Variants in NYAP2 observed in about 807,000 individuals in gnomAD.
The protein encoded by NYAP2 is neuronal tyrosine-phosphorylated phosphoinositide-3-kinase adaptor 2.
Under a neutral mutation model 50.4 loss-of-function variants are expected in NYAP2, and 23 were observed. The observed-to-expected ratio is 0.46, with a 90% CI of 0.33 to 0.65. The LOEUF (loss-of-function observed/expected upper bound fraction) is 0.65, where lower values mean the gene tolerates loss of function less well. NYAP2 is among the 30% of genes least tolerant of loss of function. NYAP2 has a pLI of 0.02. For missense variants in NYAP2, 885 were observed against 861.0 expected (o/e 1.03, Z -0.35); for synonymous variants, 394 against 365.2 (o/e 1.08, Z -0.90).
chr2:225,617,089 A>G (rs1362843301), intron 5 of NYAP2, among the ~76,000 whole-genome samples: 3 of 152,188 alleles, frequency 2.0e-5, no homozygotes, highest in Non-Finnish European at 2.9e-5. Context: ...TTCAGGCACA[A>G]TCAGAGCCCA....
At chr2:225,634,199 G>A (rs765040437) in intron 6 of NYAP2, among the ~76,000 whole-genome samples, 3 of 152,178 alleles carry the variant, frequency 2.0e-5, no homozygotes, top group Non-Finnish European at 4.4e-5. Context: ...ATCCTTCATA[G>A]CACCCTTGCA....
chr2:225,421,671 G>C (rs950381124), intron 3 of NYAP2, among the ~76,000 whole-genome samples: 1 of 152,150 alleles, frequency 6.6e-6, no homozygotes, highest in Non-Finnish European at 1.5e-5. Flanking sequence ...TGGTGTTCTA[G>C]AAAAAACTCA....
chr2:225,435,378 A>G (rs1390813336), intron 3 of NYAP2, among the ~76,000 whole-genome samples: 1 of 152,228 alleles, frequency 6.6e-6, no homozygotes, highest in Non-Finnish European at 1.5e-5. Context: ...ATAAATACAA[A>G]TGAAAGTGAG....
chr2:225,563,576 T>C (rs1407050957), intron 4 of NYAP2, among the ~76,000 whole-genome samples: 4 of 152,112 alleles, frequency 2.6e-5, no homozygotes, highest in African/African-American at 4.8e-5. Context: ...GTTCGTGACA[T>C]GGTCACAGCT....
chr2:225,438,485 C>T (rs1243925891), intron 3 of NYAP2, among the ~76,000 whole-genome samples: 2 of 152,162 alleles, frequency 1.3e-5, no homozygotes, highest in Admixed American at 1.3e-4. Context: ...CTGACAAATG[C>T]CTGCTGCTGT....
intron 3 of NYAP2, among the ~76,000 whole-genome samples, chr2:225,446,642 C>A (rs534960126): frequency 9.2e-5 from 14 of 152,022 alleles, no homozygotes; most frequent in Non-Finnish European, 1.9e-4. Context: ...TGGTGACAAT[C>A]TTTAGTGGTT....
chr2:225,441,411 A>C (rs1481958120), intron 3 of NYAP2, among the ~76,000 whole-genome samples: 2 of 152,188 alleles, frequency 1.3e-5, no homozygotes, highest in African/African-American at 2.4e-5. Context: ...GTAAATTTCA[A>C]AGTCTGATGG....
chr2:225,404,860 A>G (rs1414402895), intron 2 of NYAP2, among the ~76,000 whole-genome samples: 1 of 152,012 alleles, frequency 6.6e-6, no homozygotes, highest in African/African-American at 2.4e-5. Flanking sequence ...GGAAAGGCAG[A>G]GAGGGAGGAT....
intron 4 of NYAP2, among the ~76,000 whole-genome samples, chr2:225,547,451 C>T (rs527546231): frequency 4.6e-5 from 7 of 152,280 alleles, no homozygotes; most frequent in Admixed American, 1.3e-4. Flanking sequence ...CTCAAGAGCA[C>T]GTTAGTCTGT....
intron 3 of NYAP2, among the ~76,000 whole-genome samples, chr2:225,453,203 T>G (rs1264359348): frequency 2.0e-5 from 3 of 152,206 alleles, no homozygotes. Flanking sequence ...AGTTGTTAAT[T>G]TCATATACCA....
At chr2:225,411,269 G>A (rs148204291) in intron 3 of NYAP2, among the ~76,000 whole-genome samples, 220 of 152,216 alleles carry the variant, frequency 1.4e-3, no homozygotes, top group African/African-American at 5.0e-3. Context: ...AGTTGAGCAA[G>A]AGAAAAGAAT....
chr2:225,409,864 T>G (rs1695005580), intron 3 of NYAP2, among the ~76,000 whole-genome samples: 1 of 152,112 alleles, frequency 6.6e-6, no homozygotes, highest in South Asian at 2.1e-4. Context: ...GATGGAGTCC[T>G]GTTTCTTCAA....
intron 3 of NYAP2, among the ~76,000 whole-genome samples, chr2:225,463,462 T>C (rs903229016): frequency 6.6e-6 from 1 of 152,282 alleles, no homozygotes; most frequent in African/African-American, 2.4e-5. Flanking sequence ...TTTCAGGTGC[T>C]CCTACTTTGA....
rs551185354 is a variant in NYAP2, at chr2:225,588,219, C to T, written c.1618+5184C>T. 2.6e-5 allele frequency among the ~76,000 whole-genome samples: 4 copies of T among 152,196 alleles called. No individual in the cohort carries two copies. The East Asian group carries it at 7.7e-4, about 29-fold the overall frequency. ...GGGATTATAGGTGTGAGCCACTGCA[C>T]CCAGCCAGTATTTAATTCTTTTAGA... On this transcript the variant is annotated intron_variant, in intron 5 of 6. Transcript: ENST00000636099.
the NYAP2 span, among the ~76,000 whole-genome samples, chr2:225,672,977 T>C: frequency 6.6e-6 from 1 of 152,002 alleles, no homozygotes; most frequent in African/African-American, 2.4e-5. Flanking sequence ...TTTAGTCTGT[T>C]CTCACACTGT....
intron 5 of NYAP2, among the ~76,000 whole-genome samples, chr2:225,588,907 G>C (rs1005560522): frequency 6.6e-6 from 1 of 152,180 alleles, no homozygotes; most frequent in Non-Finnish European, 1.5e-5. Flanking sequence ...GGGTCTATTT[G>C]AGATTGTAGA....
chr2:225,511,435 C>T (rs534814837), intron 3 of NYAP2, among the ~76,000 whole-genome samples: 24 of 151,600 alleles, frequency 1.6e-4, no homozygotes, highest in Non-Finnish European at 2.4e-4. Context: ...AGGATACTTT[C>T]GGCTATGATG....
At chr2:225,519,842 G>A (rs1220934890) in intron 4 of NYAP2, among the ~76,000 whole-genome samples, 2 of 152,130 alleles carry the variant, frequency 1.3e-5, no homozygotes, top group Non-Finnish European at 1.5e-5. Flanking sequence ...CTGAGGAATC[G>A]CCACACTGAC....
chr2:225,455,943 C>G (rs917728479), intron 3 of NYAP2, among the ~76,000 whole-genome samples: 1 of 152,128 alleles, frequency 6.6e-6, no homozygotes, highest in African/African-American at 2.4e-5. Flanking sequence ...GAGTCTGATG[C>G]GTTCATTCTC....
Sources: gnomAD v4.1 joint callset for allele counts (sites outside exome capture counted in the v4.1 genomes callset) on GRCh38, gnomAD v4.1.1 for gene constraint, MANE v1.5 for transcripts, NCBI Gene and HGNC (gene_info 2026-07-23, HGNC 2026-07-21) for gene names.